The following SP100 variants were observed in gnomAD, a reference collection of about 807,000 sequenced individuals.
SP100 encodes SP100 nuclear body protein.
Under a neutral mutation model 130.0 loss-of-function variants are expected in SP100, and 84 were observed. The observed-to-expected ratio is 0.65, with a 90% CI of 0.54 to 0.77. The LOEUF is 0.77. Among genes scored for constraint, SP100 ranks in the 30% least tolerant of loss-of-function variants. The pLI is 0.00. For missense variants in SP100, 978 were observed against 1,052.2 expected (o/e 0.93, Z 0.97); for synonymous variants, 331 against 351.7 (o/e 0.94, Z 0.66).
intron 24 of SP100, among the ~76,000 whole-genome samples, chr2:230,526,661 CTT>C (rs1216368645): frequency 6.6e-6 from 1 of 152,052 alleles, no homozygotes; most frequent in African/African-American, 2.4e-5. Context: ...AAGCTAAAAA[CTT>C]TGAAAAAAGG....
At chr2:230,474,257 C>A (rs761388383) in intron 16 of SP100, 137 bp from the exon 17 acceptor site, 1 of 590,042 alleles carries the variant, frequency 1.7e-6, no homozygotes, top group Non-Finnish European at 3.0e-6. Flanking sequence ...TGTCTGTTTC[C>A]TTTGGAAGGA....
At chr2:230,456,209 C>A (rs2064268465) in intron 8 of SP100, among the ~76,000 whole-genome samples, 1 of 152,238 alleles carries the variant, frequency 6.6e-6, no homozygotes, top group African/African-American at 2.4e-5. Context: ...CTTTTTCTTC[C>A]TTTGGCACTT....
intron 7 of SP100, 73 bp downstream of exon 7, chr2:230,449,783 T>A: frequency 6.7e-7 from 1 of 1,491,772 alleles, no homozygotes; most frequent in Non-Finnish European, 9.3e-7. Flanking sequence ...AAGAGTCTAA[T>A]GCACAATACA....
At chr2:230,472,279 T>C (rs1678165) in intron 15 of SP100, among the ~76,000 whole-genome samples, 35,544 of 151,402 alleles carry the variant, frequency 0.23, 5,045 homozygotes, top group Non-Finnish European at 0.33. Context: ...ACAAAAAAAA[T>C]TAGCCAGGCA....
intron 23 of SP100, 58 bp downstream of exon 23, chr2:230,508,089 C>T: frequency 6.2e-7 from 1 of 1,601,674 alleles, no homozygotes; most frequent in Non-Finnish European, 8.5e-7. Context: ...GATTTTCTAT[C>T]TCTGTGGACT....
At position 230,545,411 on chromosome 2, in the gene SP100, A is replaced by T. The variant is rs149503507; in HGVS notation, c.*2465A>T. 4.1e-4 allele frequency among the ~76,000 whole-genome samples: 63 copies of T among 152,256 alleles called. No individual in the cohort carries two copies. In the East Asian group the frequency reaches 0.011, roughly 27 times the overall value. On this transcript the variant is annotated 3_prime_UTR_variant, in exon 29 of 29. Transcript: ENST00000340126. ...CATGAACACAATGAAGGGAACAGAC[A>T]CTAGGGTCTACTTGAGGGTGGAGGA... is the stretch of plus-strand genomic sequence containing the variant.
At position 230,541,539 on chromosome 2, in the gene SP100, C is replaced by T. The variant is rs113576313; in HGVS notation, c.2403+167C>T. On this transcript the variant is annotated intron_variant, in intron 27 of 28. Coordinates refer to ENST00000340126, the MANE Select transcript of SP100 (RefSeq NM_001080391.2). ...TGGCTTAAACAGCAGAAATGTTTTT[C>T]TCACGGTCCCGGAGGCTGCATGTCC... Among the ~76,000 whole-genome samples, 112 of 152,292 alleles carry T rather than the reference C, an allele frequency of 7.4e-4. 1 individual carries two copies. Among genetic ancestry groups the T allele is most frequent in the African/African-American group, 2.4e-3 (100 of 41,560 alleles).
intron 12 of SP100, among the ~76,000 whole-genome samples, chr2:230,466,555 C>G (rs1280419551): frequency 1.3e-5 from 2 of 151,994 alleles, no homozygotes; most frequent in Non-Finnish European, 2.9e-5. Flanking sequence ...ACATATGAAC[C>G]CAAAGAAGTC....
intron 19 of SP100, 92 bp downstream of exon 19, chr2:230,498,627 T>C: frequency 3.2e-6 from 2 of 619,476 alleles, no homozygotes; most frequent in Non-Finnish European, 5.0e-6. Context: ...TTTATGTAGC[T>C]GTACTTACTG....
Position 230,473,358 on chromosome 2 carries a change from C to T in SP100, c.1464C>T (p.Cys488=), listed in dbSNP as rs770704513. ...CACAAGAACCTGAAAATAAGAAGTG[C>T]TCCTGTGTCATGTGTTTTCCAAAAG... ...SQPQEPENKK[C]SCVMCFPKGV... The change falls in exon 16 of 29, where the codon TGC becomes TGT. Residue 488 remains cysteine, a synonymous_variant. Coordinates refer to ENST00000340126, the MANE Select transcript of SP100 (RefSeq NM_001080391.2). 1 of 1,613,776 alleles carries T rather than the reference C, an allele frequency of 6.2e-7. No individual in the cohort carries two copies. The highest frequency in any genetic ancestry group is 1.1e-5 in the South Asian group (1 of 91,064).
chr2:230,438,244 T>A (rs1286401984), intron 2 of SP100, among the ~76,000 whole-genome samples: 1 of 152,192 alleles, frequency 6.6e-6, no homozygotes, highest in Non-Finnish European at 1.5e-5. Flanking sequence ...TTTTACATTC[T>A]GTTTAAATAA....
At chr2:230,439,682 GC>G (rs1375019496) in intron 2 of SP100, among the ~76,000 whole-genome samples, 1 of 151,948 alleles carries the variant, frequency 6.6e-6, no homozygotes, top group Admixed American at 6.6e-5. Context: ...GTATAGCAGT[GC>G]TACTTATGAT....
At chr2:230,427,720 C>T (rs1164337599) in intron 2 of SP100, among the ~76,000 whole-genome samples, 4 of 152,062 alleles carry the variant, frequency 2.6e-5, no homozygotes, top group Admixed American at 1.3e-4. Context: ...TTATCTACTA[C>T]AGGTTTCTAC....
At chr2:230,449,506 G>T (rs1310284719) in intron 6 of SP100, 55 bp from the exon 7 acceptor site, 4 of 1,598,762 alleles carry the variant, frequency 2.5e-6, no homozygotes, top group Non-Finnish European at 1.7e-6. Context: ...GGTTGGAGGG[G>T]AGTGACAGGC....
intron 17 of SP100, among the ~76,000 whole-genome samples, chr2:230,477,841 A>G (rs556625882): frequency 2.8e-4 from 43 of 151,372 alleles, no homozygotes; most frequent in African/African-American, 9.9e-4. Context: ...AGGCTGAGGC[A>G]GGAGTATTGC....
intron 17 of SP100, among the ~76,000 whole-genome samples, chr2:230,489,593 T>C (rs1452727185): frequency 6.6e-6 from 1 of 152,204 alleles, no homozygotes; most frequent in Non-Finnish European, 1.5e-5. Context: ...CTGGCTCTTT[T>C]AATTGTGATA....
chr2:230,471,839 G>T (rs2065277021), intron 15 of SP100, among the ~76,000 whole-genome samples: 1 of 152,196 alleles, frequency 6.6e-6, no homozygotes, highest in South Asian at 2.1e-4. Context: ...GTTTTTCTAA[G>T]TGGACAAGGA....
intron 18 of SP100, 89 bp from the exon 19 acceptor site, chr2:230,498,372 G>T: frequency 1.5e-6 from 1 of 676,896 alleles, no homozygotes; most frequent in Non-Finnish European, 2.4e-6. Flanking sequence ...CTCTGGAAAA[G>T]TTATAGCTAA....
At chr2:230,455,927 CAG>C (rs1303849253) in intron 8 of SP100, among the ~76,000 whole-genome samples, 1 of 152,150 alleles carries the variant, frequency 6.6e-6, no homozygotes. Context: ...TGTTTGATGT[CAG>C]AGTTTACAAG....
Sources: allele counts gnomAD v4.1 joint callset (sites outside exome capture counted in the v4.1 genomes callset), GRCh38; gene constraint gnomAD v4.1.1; transcripts MANE v1.5; gene names NCBI Gene and HGNC (gene_info 2026-07-23, HGNC 2026-07-21).